ACAN: variants seen among roughly 807,000 people sequenced by gnomAD.
ACAN encodes aggrecan core protein.
In ACAN, 47 loss-of-function variants were observed where a neutral mutation model predicts 169.1. That is an observed-to-expected ratio of 0.28 (90% CI 0.22 to 0.35). The LOEUF is 0.35. ACAN is among the 10% of genes least tolerant of loss of function. ACAN has a pLI of 1.00. For missense variants in ACAN, 2,716 were observed against 2,759.9 expected, an observed-to-expected ratio of 0.98 and a Z score of 0.36; for synonymous variants, 1,115 against 1,112.2, an observed-to-expected ratio of 1.00 and a Z score of -0.05.
chr15:88,838,804 C>G lies in ACAN; in HGVS notation c.212C>G (p.Pro71Arg). The G allele has an allele frequency of 6.2e-7, 1 of 1,614,002 alleles. No individual in the cohort carries two copies. The highest frequency in any genetic ancestry group is 2.2e-5 in the East Asian group (1 of 44,864). The change falls in exon 3 of 19, where the codon CCA becomes CGA. Residue 71 changes from proline (P) to arginine (R), a missense_variant. Coordinates refer to ENST00000560601, the MANE Select transcript of ACAN (RefSeq NM_001369268.1). The surrounding 1 kb of genome is among the most constrained non-coding windows in gnomAD (Gnocchi z 5.1). ...GCCCCTTCTACCGCCCCACTGGCCC[C>G]AAGAATCAAGTGGAGCCGTGTGTCC... ...TTAPSTAPLA[P>R]RIKWSRVSKE... is the part of the protein sequence containing the mutation.
Position 88,872,151 on chromosome 15 carries a change from A to G in ACAN, c.7302+66A>G. The G allele has an allele frequency of 7.2e-7, 1 of 1,394,306 alleles. No individual in the cohort carries two copies. The highest frequency in any genetic ancestry group is 1.0e-6 in the Non-Finnish European group (1 of 982,384). The allele number at this position is 1,394,306 out of a possible 1,614,324, so 86.4% of individuals were successfully genotyped here. A position where few individuals can be genotyped will look rare whatever the true frequency, so the allele number is the denominator to read the frequency against. On this transcript the variant is annotated intron_variant, in intron 16 of 18. Transcript: ENST00000560601. The surrounding 1 kb of genome is among the most constrained non-coding windows in gnomAD (Gnocchi z 5.4). ...GGGAGTGGGATAGAGACCCCTGGAG[A>G]GAGATGCATTCAAACCCCATGCAGA...
intron 1 of ACAN, among the ~76,000 whole-genome samples, chr15:88,816,281 G>T (rs1895941209): frequency 6.6e-6 from 1 of 152,220 alleles, no homozygotes; most frequent in Non-Finnish European, 1.5e-5. Flanking sequence ...GAGGGACTCA[G>T]TTCAACATAT....
In ACAN at chr15:88,857,670, G is replaced by A. The variant is rs377132613; in HGVS notation, c.5085G>A (p.Leu1695=). The A allele has an allele frequency of 1.9e-6, 3 of 1,614,006 alleles. No individual in the cohort carries two copies. Among genetic ancestry groups the A allele is most frequent in the South Asian group, 1.1e-5 (1 of 91,082 alleles). Residue 1695 remains leucine (L), a synonymous_variant, in exon 12 of 19, where the codon CTG becomes CTA. Coordinates refer to ENST00000560601, the MANE Select transcript of ACAN (RefSeq NM_001369268.1). ...GISGAGEISG[L]PSSELDISGR... is the part of the protein sequence containing the mutation. ...GTGGTGCAGGAGAAATATCTGGACT[G>A]CCCTCCAGTGAGCTGGACATTAGTG...
At position 88,839,197 on chromosome 15, in the gene ACAN, A is replaced by T. The variant is rs554750406; in HGVS notation, c.454+151A>T. ...TAACTTCAGCTGCTTCCTCTGTGAC[A>T]TGGAGCTGGTAATATCATTCTCTCT... On this transcript the variant is annotated intron_variant, in intron 3 of 18. Coordinates refer to ENST00000560601, the MANE Select transcript of ACAN (RefSeq NM_001369268.1). This position sits in a 1 kb window ranked among gnomAD's most constrained non-coding sequence, Gnocchi z 4.5. Among the ~76,000 whole-genome samples, 24 of 152,332 alleles carry T rather than the reference A, an allele frequency of 1.6e-4. No individual in the cohort carries two copies. Among genetic ancestry groups the T allele is most frequent in the Admixed American group, 1.3e-3 (20 of 15,306 alleles).
Position 88,871,286 on chromosome 15 carries a change from G to T in ACAN, c.7061-96G>T. The T allele has an allele frequency of 6.5e-7, 1 of 1,529,376 alleles. No individual in the cohort carries two copies. Among genetic ancestry groups the T allele is most frequent in the Non-Finnish European group, 8.9e-7 (1 of 1,124,140 alleles). The allele number at this position is 1,529,376 out of a possible 1,614,324, so 94.7% of individuals were successfully genotyped here. ...CCCTTGAGGGCACAGCATGGAAGGTGGGGTGAACGCAGGAACCTATGCCAT... is the reference window on the plus strand; with the variant it reads ...CCCTTGAGGGCACAGCATGGAAGGTTGGGTGAACGCAGGAACCTATGCCAT... On this transcript the variant is annotated intron_variant, in intron 14 of 18. Transcript: ENST00000560601. This position sits in a 1 kb window ranked among gnomAD's most constrained non-coding sequence, Gnocchi z 7.8.
At position 88,807,432 on chromosome 15, in the gene ACAN, T is replaced by C. The variant is rs1596108494; in HGVS notation, c.-8+3623T>C. Among the ~76,000 whole-genome samples, 1 of 152,112 alleles carries C rather than the reference T, an allele frequency of 6.6e-6. No homozygotes were observed. Among genetic ancestry groups the C allele is most frequent in the African/African-American group, 2.4e-5 (1 of 41,418 alleles). ...GATAACTTAAAGGAAGCCCCTTCAATGGGATGAAGGGCCCGTTTCTGTGAC... is the reference window on the plus strand; with the variant it reads ...GATAACTTAAAGGAAGCCCCTTCAACGGGATGAAGGGCCCGTTTCTGTGAC... On this transcript the variant is annotated intron_variant, in intron 1 of 18. Transcript: ENST00000560601. This position sits in a 1 kb window ranked among gnomAD's most constrained non-coding sequence, Gnocchi z 4.0.
Position 88,874,182 on chromosome 15 carries a change from C to A in ACAN, c.7630+158C>A. 8.9e-7 allele frequency: 1 copy of A among 1,121,754 alleles called. No individual in the cohort carries two copies. Among genetic ancestry groups the A allele is most frequent in the Non-Finnish European group, 1.3e-6 (1 of 770,552 alleles). The allele number at this position is 1,121,754 out of a possible 1,614,324, so 69.5% of individuals were successfully genotyped here. On this transcript the variant is annotated intron_variant, in intron 18 of 18. Transcript: ENST00000560601. The surrounding 1 kb of genome is among the most constrained non-coding windows in gnomAD (Gnocchi z 7.3). Reference sequence around the variant, plus strand: ...TCAGTCACAAATAGCTGACCACTGCCCTTAGAAGGGCCACGTACTTGTCCC... The same window carrying A: ...TCAGTCACAAATAGCTGACCACTGCACTTAGAAGGGCCACGTACTTGTCCC...
chr15:88,831,956 T>G (rs1896375091), intron 1 of ACAN, among the ~76,000 whole-genome samples: 1 of 152,090 alleles, frequency 6.6e-6, no homozygotes, highest in Non-Finnish European at 1.5e-5. Flanking sequence ...GAGGAGGGGA[T>G]GTGTTTTGGG....
At chr15:88,832,990 G>T (rs1567172161) in intron 1 of ACAN, among the ~76,000 whole-genome samples, 1 of 152,208 alleles carries the variant, frequency 6.6e-6, no homozygotes. Context: ...CGTGGGGCAG[G>T]TCCTAGATTA....
chr15:88,858,539 G>A lies in ACAN; in HGVS notation c.5954G>A (p.Ser1985Asn), dbSNP rs746211609. Residue 1985 changes from serine to asparagine, a missense_variant, in exon 12 of 19, where the codon AGT becomes AAT. Transcript: ENST00000560601. This position sits in a 1 kb window ranked among gnomAD's most constrained non-coding sequence, Gnocchi z 4.0. The part of the protein sequence containing the change: ...SGEHSGFLDL[S>N]GLQSGLIEPS... ...GAGCATTCTGGATTTCTGGACCTAAGTGGGCTGCAGTCCGGGCTGATAGAG... is the reference window on the plus strand; with the variant it reads ...GAGCATTCTGGATTTCTGGACCTAAATGGGCTGCAGTCCGGGCTGATAGAG... The A allele has an allele frequency of 6.2e-7, 1 of 1,613,810 alleles. No homozygotes were observed. Among genetic ancestry groups the A allele is most frequent in the Non-Finnish European group, 8.5e-7 (1 of 1,179,906 alleles).
chr15:88,854,440 A>G (rs1897001826), intron 11 of ACAN, among the ~76,000 whole-genome samples: 1 of 152,140 alleles, frequency 6.6e-6, no homozygotes, highest in Non-Finnish European at 1.5e-5. Flanking sequence ...AATCAATGAG[A>G]TGGTAATGTG....
At chr15:88,811,068 C>T (rs1895808515) in intron 1 of ACAN, among the ~76,000 whole-genome samples, 1 of 152,174 alleles carries the variant, frequency 6.6e-6, no homozygotes, top group African/African-American at 2.4e-5. Flanking sequence ...GACAGGGGCC[C>T]TTCCTCCCTT....
chr15:88,847,718 CA>C (rs1012060233), intron 8 of ACAN, among the ~76,000 whole-genome samples, 192 bp from the exon 9 acceptor site: 6 of 152,216 alleles, frequency 3.9e-5, no homozygotes, highest in Non-Finnish European at 7.3e-5. Context: ...AGAAATCCCC[CA>C]GGAGCCACCA....
rs1469950089 is a variant in ACAN at position 88,804,372 on chromosome 15, A to G, written c.-8+563A>G. Among the ~76,000 whole-genome samples the G allele has an allele frequency of 1.3e-5, 2 of 152,182 alleles. 1 individual carries two copies. Among genetic ancestry groups the G allele is most frequent in the Middle Eastern group, 6.3e-3 (2 of 316 alleles). On this transcript the variant is annotated intron_variant, in intron 1 of 18. Transcript: ENST00000560601. ...TAGTCCATCCTTGGCCACTTGGCTTACTCCAGGGACCAGAGTGCCTGAAGA... is the reference window on the plus strand; with the variant it reads ...TAGTCCATCCTTGGCCACTTGGCTTGCTCCAGGGACCAGAGTGCCTGAAGA...
At position 88,859,129 on chromosome 15, in the gene ACAN, C is replaced by A. The variant is rs774770888; in HGVS notation, c.6544C>A (p.Pro2182Thr). The change falls in exon 12 of 19, where the codon CCA becomes ACA. Residue 2182 changes from proline (P) to threonine (T), a missense_variant. Physicochemically the swap from Pro to Thr is conservative, Grantham distance 38. Around this residue, in one of 3 missense-constraint regions of ACAN, gnomAD observed 1,389 missense variants for 1,363.7 expected, o/e 1.02. Transcript: ENST00000560601. Reference sequence around the variant, plus strand: ...CACCAGTGATGTGGGGACAGAGGCACCAGGCTTGCCTTCAGCCACTCCCAC... The same window carrying A: ...CACCAGTGATGTGGGGACAGAGGCAACAGGCTTGCCTTCAGCCACTCCCAC... ...TTTSDVGTEA[P>T]GLPSATPTAS... is the part of the protein sequence containing the mutation. 7 of 1,613,848 alleles carry A rather than the reference C, an allele frequency of 4.3e-6. No homozygotes were observed. The South Asian group carries it at 7.7e-5, about 18-fold the overall frequency.
chr15:88,832,579 C>T (rs1368403388), intron 1 of ACAN, among the ~76,000 whole-genome samples: 2 of 152,212 alleles, frequency 1.3e-5, no homozygotes, highest in East Asian at 3.8e-4. Flanking sequence ...CACTGCACTC[C>T]AGCCTGGATG....
chr15:88,820,003 C>A (rs1322249278), intron 1 of ACAN, among the ~76,000 whole-genome samples: 2 of 152,060 alleles, frequency 1.3e-5, no homozygotes, highest in Non-Finnish European at 2.9e-5. Flanking sequence ...TTATTTACCC[C>A]CTCTGAGCCT....
Position 88,872,191 on chromosome 15 carries a change from C to A in ACAN, c.7302+106C>A. On this transcript the variant is annotated intron_variant, in intron 16 of 18. Coordinates refer to ENST00000560601, the MANE Select transcript of ACAN (RefSeq NM_001369268.1). The surrounding 1 kb of genome is among the most constrained non-coding windows in gnomAD (Gnocchi z 5.4). ...CCCCATGCAGACAGCCGCTTACCAGCTGCTGGACCGGGAACCCTTGAGGGC... is the reference window on the plus strand; with the variant it reads ...CCCCATGCAGACAGCCGCTTACCAGATGCTGGACCGGGAACCCTTGAGGGC... 1.0e-6 allele frequency: 1 copy of A among 990,826 alleles called. No homozygotes were observed. Among genetic ancestry groups the A allele is most frequent in the Non-Finnish European group, 1.6e-6 (1 of 637,372 alleles). The allele number at this position is 990,826 out of a possible 1,614,324, so 61.4% of individuals were successfully genotyped here. A position where few individuals can be genotyped will look rare whatever the true frequency, so the allele number is the denominator to read the frequency against.
rs758736365 is a variant in ACAN, at chr15:88,849,516, C to G, written c.1811C>G (p.Thr604Arg). 1 of 1,606,674 alleles carries G rather than the reference C, an allele frequency of 6.2e-7. No homozygotes were observed. Among genetic ancestry groups the G allele is most frequent in the Non-Finnish European group, 8.5e-7 (1 of 1,176,570 alleles). The change falls in exon 10 of 19, where the codon ACG becomes AGG. Residue 604 changes from threonine to arginine, a missense_variant. Thr to Arg is a moderately conservative substitution (Grantham distance 71). This residue lies in a region of ACAN where 1,283 missense variants were observed against 1,281.5 expected (regional missense o/e 1.00). Transcript: ENST00000560601. This position sits in a 1 kb window ranked among gnomAD's most constrained non-coding sequence, Gnocchi z 5.1. ...GAGTTCTGTGAATCTCACAATGCTA[C>G]GCTGGCCACCACGGGCCAGCTCTAC... is the stretch of plus-strand genomic sequence containing the variant. ...ALEFCESHNA[T>R]LATTGQLYAA...
Sources: allele counts gnomAD v4.1 joint callset (sites outside exome capture counted in the v4.1 genomes callset), GRCh38; gene constraint gnomAD v4.1.1; regional missense constraint gnomAD v4.1.1; non-coding constraint Gnocchi (gnomAD v3.1); transcripts MANE v1.5; gene names NCBI Gene and HGNC (gene_info 2026-07-23, HGNC 2026-07-21).